RIN3: variants seen among roughly 807,000 people sequenced by gnomAD.
RIN3 encodes Ras and Rab interactor 3.
In RIN3, 54 loss-of-function variants were observed where a neutral mutation model predicts 76.3. The ratio of observed to expected loss-of-function variants is 0.71; its 90% confidence interval spans 0.57 to 0.89. The LOEUF (loss-of-function observed/expected upper bound fraction) is 0.89. RIN3 is among the 40% of genes least tolerant of loss of function. The pLI is 0.00. For synonymous variants in RIN3, 576 were observed against 564.0 expected (o/e 1.02, Z -0.30); for missense variants, 1,256 against 1,322.1 (o/e 0.95, Z 0.78).
intron 1 of RIN3, among the ~76,000 whole-genome samples, chr14:92,530,622 T>C (rs892109112): frequency 4.0e-5 from 6 of 150,824 alleles, no homozygotes; most frequent in Non-Finnish European, 7.4e-5. Context: ...CTCTTAGCAA[T>C]AGCAGAGCTG....
chr14:92,603,288 C>G (rs1885409833), intron 3 of RIN3, among the ~76,000 whole-genome samples: 1 of 152,160 alleles, frequency 6.6e-6, no homozygotes, highest in African/African-American at 2.4e-5. Context: ...TTTTTTTCAG[C>G]ACATTTTCCC....
At chr14:92,599,160 A>C (rs1026889894) in intron 3 of RIN3, among the ~76,000 whole-genome samples, 2 of 152,158 alleles carry the variant, frequency 1.3e-5, no homozygotes, top group African/African-American at 4.8e-5. Context: ...GCCTCTGTCT[A>C]AATGGCCCTG....
chr14:92,641,176 G>T, intron 4 of RIN3, 62 bp from the exon 5 acceptor site: 1 of 1,300,538 alleles, frequency 7.7e-7, no homozygotes, highest in Non-Finnish European at 1.1e-6. Flanking sequence ...CTCTTCCTTT[G>T]TGGAGGCTGG....
chr14:92,538,513 C>T (rs565834392), intron 1 of RIN3, among the ~76,000 whole-genome samples: 1 of 152,314 alleles, frequency 6.6e-6, no homozygotes, highest in South Asian at 2.1e-4. Flanking sequence ...GGGAGACCAG[C>T]ATGTTACAGG....
At chr14:92,572,077 G>A (rs1290036060) in intron 2 of RIN3, among the ~76,000 whole-genome samples, 1 of 152,236 alleles carries the variant, frequency 6.6e-6, no homozygotes, top group African/African-American at 2.4e-5. Context: ...AAGAGGGTCA[G>A]GTGGGTGACT....
At chr14:92,574,537 T>G (rs957836202) in intron 2 of RIN3, among the ~76,000 whole-genome samples, 1 of 152,222 alleles carries the variant, frequency 6.6e-6, no homozygotes, top group African/African-American at 2.4e-5. Context: ...GTTTGCCGCT[T>G]GAGTTTTCAG....
chr14:92,558,887 C>CTTTTTTTTT (rs61202055), intron 2 of RIN3, among the ~76,000 whole-genome samples: 1 of 130,766 alleles, frequency 7.6e-6, no homozygotes, highest in Non-Finnish European at 1.6e-5. Flanking sequence ...CTTTTCTTTT[C>CTTTTTTTTT]TTTTTTTTTT....
intron 2 of RIN3, among the ~76,000 whole-genome samples, chr14:92,572,877 C>CT (rs763771909): frequency 0.16 from 15,620 of 99,606 alleles, 1,902 homozygotes; most frequent in East Asian, 0.29. Flanking sequence ...CTTTTTTTTG[C>CT]TTTTTTTTTT....
At chr14:92,666,546 T>C (rs1376994328) in intron 7 of RIN3, among the ~76,000 whole-genome samples, 2 of 145,920 alleles carry the variant, frequency 1.4e-5, no homozygotes, top group Non-Finnish European at 3.0e-5. Flanking sequence ...TGGCTTTGGA[T>C]AAACTGGCCC....
intron 4 of RIN3, among the ~76,000 whole-genome samples, chr14:92,626,019 G>T (rs1015521166): frequency 2.6e-5 from 4 of 152,102 alleles, no homozygotes; most frequent in Non-Finnish European, 5.9e-5. Context: ...ATCCAAATCT[G>T]CATATTTCCT....
At chr14:92,580,020 G>A (rs1898384992) in intron 3 of RIN3, among the ~76,000 whole-genome samples, 1 of 152,224 alleles carries the variant, frequency 6.6e-6, no homozygotes, top group Non-Finnish European at 1.5e-5. Context: ...GAATGCAGAA[G>A]CAGGTTACCT....
At chr14:92,611,991 C>T (rs868723369) in intron 3 of RIN3, among the ~76,000 whole-genome samples, 9 of 151,930 alleles carry the variant, frequency 5.9e-5, no homozygotes, top group Non-Finnish European at 1.0e-4. Flanking sequence ...GGGGCAGGGG[C>T]CAGACACTTT....
At chr14:92,682,171 G>A (rs959412465) in intron 8 of RIN3, among the ~76,000 whole-genome samples, 1 of 152,210 alleles carries the variant, frequency 6.6e-6, no homozygotes. Flanking sequence ...ACAGGCGTGA[G>A]CCACCACACC....
chr14:92,520,786 G>A (rs985282310), intron 1 of RIN3, among the ~76,000 whole-genome samples: 1 of 152,174 alleles, frequency 6.6e-6, no homozygotes, highest in Admixed American at 6.5e-5. Context: ...TGGCTACAGG[G>A]AACAAGCTGT....
At chr14:92,657,072 G>GAC (rs1418596411) in intron 6 of RIN3, among the ~76,000 whole-genome samples, 1 of 152,186 alleles carries the variant, frequency 6.6e-6, no homozygotes, top group Non-Finnish European at 1.5e-5. Context: ...AAAAAGGCCA[G>GAC]ACAGGGCGGG....
chr14:92,629,327 C>G (rs1407612168), intron 4 of RIN3, among the ~76,000 whole-genome samples: 2 of 152,278 alleles, frequency 1.3e-5, no homozygotes, highest in East Asian at 3.9e-4. Flanking sequence ...TTAGACAAAA[C>G]GCACGAGCAA....
intron 3 of RIN3, among the ~76,000 whole-genome samples, chr14:92,596,556 G>A (rs1041626643): frequency 5.3e-5 from 8 of 152,206 alleles, no homozygotes; most frequent in African/African-American, 2.4e-5. Context: ...CTCCAGAGAG[G>A]AAGTAGAGGA....
At chr14:92,580,232 G>T (rs1201385186) in intron 3 of RIN3, among the ~76,000 whole-genome samples, 1 of 152,248 alleles carries the variant, frequency 6.6e-6, no homozygotes, top group Non-Finnish European at 1.5e-5. Context: ...AGCTGGGTGT[G>T]GTGGCATGCA....
intron 3 of RIN3, among the ~76,000 whole-genome samples, chr14:92,594,860 G>A (rs1232352278): frequency 6.6e-6 from 1 of 152,268 alleles, no homozygotes; most frequent in African/African-American, 2.4e-5. Context: ...GCAGAAAGAA[G>A]TTGGTGAGAC....
Sources: gnomAD v4.1 joint callset for allele counts (sites outside exome capture counted in the v4.1 genomes callset) on GRCh38, gnomAD v4.1.1 for gene constraint, MANE v1.5 for transcripts, NCBI Gene and HGNC (gene_info 2026-07-23, HGNC 2026-07-21) for gene names.